KIF21B: variants seen among roughly 807,000 people sequenced by gnomAD.
KIF21B encodes kinesin family member 21B.
Under a neutral mutation model 192.9 loss-of-function variants are expected in KIF21B, and 85 were observed. The ratio of observed to expected loss-of-function variants is 0.44; its 90% CI spans 0.37 to 0.53. The LOEUF is 0.53. Ranked by LOEUF, KIF21B falls within the 20% of genes least tolerant of loss-of-function variation. The pLI is 0.00. For synonymous variants in KIF21B, 832 were observed against 884.6 expected, an observed-to-expected ratio of 0.94 and a Z score of 1.05; for missense variants, 1,716 against 2,194.8, an observed-to-expected ratio of 0.78 and a Z score of 4.36.
chr1:201,007,033 G>C (rs1431180637), intron 3 of KIF21B, among the ~76,000 whole-genome samples: 4 of 84,766 alleles, frequency 4.7e-5, no homozygotes, highest in Non-Finnish European at 7.5e-5. Context: ...CACACACACA[G>C]ACACAGAGAC....
Position 201,000,703 on chromosome 1 carries a change from G to A in KIF21B, c.1466+14C>T. 1 of 1,614,138 alleles carries A rather than the reference G, an allele frequency of 6.2e-7. No homozygotes were observed. The highest frequency in any genetic ancestry group is 2.2e-5 in the East Asian group (1 of 44,886). ...CCCCAGCCCGCGCACACCTGCCGGAGCTCACTCACTCACCGTAGCTCCTCG... is the reference window on the plus strand; with the variant it reads ...CCCCAGCCCGCGCACACCTGCCGGAACTCACTCACTCACCGTAGCTCCTCG... On this transcript the variant is annotated intron_variant, in intron 10 of 34. Transcript: ENST00000461742. The surrounding 1 kb of genome is among the most constrained non-coding windows in gnomAD (Gnocchi z 6.0).
In KIF21B at chr1:201,009,326, C is replaced by T. The variant is rs1658100932; in HGVS notation, c.204G>A (p.Val68=). Reference sequence around the variant, plus strand: ...CGAAGCAGCCCTCGATGAGCTTGCTCACACAGGTGGAATAGATCTGTTCTT... The same window carrying T: ...CGAAGCAGCCCTCGATGAGCTTGCTTACACAGGTGGAATAGATCTGTTCTT... The part of the protein sequence containing the change: ...TWQEQIYSTC[V]SKLIEGCFEG... The change falls in exon 2 of 35, where the codon GTG becomes GTA. Residue 68 remains valine, a synonymous_variant. Coordinates refer to ENST00000461742, the MANE Select transcript of KIF21B (RefSeq NM_001252102.2). 1 of 1,614,158 alleles carries T rather than the reference C, an allele frequency of 6.2e-7. No individual in the cohort carries two copies. Among genetic ancestry groups the T allele is most frequent in the African/African-American group, 1.3e-5 (1 of 74,954 alleles).
At position 200,975,168 on chromosome 1, in the gene KIF21B, C is replaced by CA. The variant is rs141702646; in HGVS notation, c.4615-256dup. 0.017 allele frequency among the ~76,000 whole-genome samples: 2,623 copies of CA among 152,314 alleles called. 81 individuals are homozygous for CA. Among genetic ancestry groups the CA allele is most frequent in the African/African-American group, 0.059 (2,452 of 41,552 alleles). On this transcript the variant is annotated intron_variant, in intron 33 of 34. Coordinates refer to ENST00000461742, the MANE Select transcript of KIF21B (RefSeq NM_001252102.2). The surrounding 1 kb of genome is among the most constrained non-coding windows in gnomAD (Gnocchi z 4.3). ...GATCCTGCCCTGGCAGAGAACCCTT[C>CA]AGCCCTCACACGGGTCAGGCTAAAA...
At position 200,988,563 on chromosome 1, in the gene KIF21B, G is replaced by GA; in HGVS notation, c.3299-20dup. On this transcript the variant is annotated intron_variant, in intron 22 of 34. Transcript: ENST00000461742. ...CCATTCTCTGTGGGAGGGCGGGAGG[G>GA]AGGGAAAGGGGTTGAGAAGCCCTGT... 1 of 829,970 alleles carries GA rather than the reference G, an allele frequency of 1.2e-6. No individual in the cohort carries two copies. Among genetic ancestry groups the GA allele is most frequent in the Non-Finnish European group, 2.0e-6 (1 of 510,488 alleles). The allele number at this position is 829,970 out of a possible 1,614,324, so 51.4% of individuals were successfully genotyped here. A position where few individuals can be genotyped will look rare whatever the true frequency, so the allele number is the denominator to read the frequency against.
rs1411736888 is a variant in KIF21B at position 200,992,326 on chromosome 1, T to C, written c.2341A>G (p.Asn781Asp). ...TTCTTGAGCTGTGCGATCTCCCGGT[T>C]CCTCTTGGTCTCCACTAGCCGCCGC... ...QRRRLVETKRNREIAQLKKEQ... is the reference protein window; with the variant it reads ...QRRRLVETKRDREIAQLKKEQ... Residue 781 changes from asparagine to aspartate, a missense_variant, in exon 16 of 35, where the codon AAC becomes GAC. Asn to Asp is a conservative substitution (Grantham distance 23). Coordinates refer to ENST00000461742, the MANE Select transcript of KIF21B (RefSeq NM_001252102.2). 2 of 1,613,168 alleles carry C rather than the reference T, an allele frequency of 1.2e-6. No individual in the cohort carries two copies. The highest frequency in any genetic ancestry group is 3.3e-5 in the Admixed American group (2 of 60,032).
intron 14 of KIF21B, among the ~76,000 whole-genome samples, chr1:200,997,671 G>C (rs1041832079): frequency 5.3e-5 from 8 of 152,144 alleles, no homozygotes; most frequent in Non-Finnish European, 1.0e-4. Context: ...TGAACCGGGG[G>C]TCAGAGGTTG....
At chr1:200,974,598 G>A in intron 34 of KIF21B, 116 bp downstream of exon 34, 1 of 1,073,948 alleles carries the variant, frequency 9.3e-7, no homozygotes. Context: ...CATGGAATCT[G>A]CTCTGTGAAC....
At chr1:200,989,598 C>A (rs1221462528) in intron 21 of KIF21B, among the ~76,000 whole-genome samples, 8 of 152,232 alleles carry the variant, frequency 5.3e-5, no homozygotes, top group African/African-American at 1.9e-4. Context: ...CATACACACA[C>A]TTCTCCCTCC....
chr1:200,999,037 T>C lies in KIF21B; in HGVS notation c.1885+312A>G, dbSNP rs1657281061. On this transcript the variant is annotated intron_variant, in intron 13 of 34. Coordinates refer to ENST00000461742, the MANE Select transcript of KIF21B (RefSeq NM_001252102.2). This position sits in a 1 kb window ranked among gnomAD's most constrained non-coding sequence, Gnocchi z 4.7. ...TCTGCATGGACCACACTGGGGAAGG[T>C]CACTAAACCCCTGTGAGCTTGTTCC... Among the ~76,000 whole-genome samples the C allele has an allele frequency of 6.6e-6, 1 of 152,092 alleles. No homozygotes were observed. The highest frequency in any genetic ancestry group is 1.5e-5 in the Non-Finnish European group (1 of 68,004).
At chr1:201,020,046 C>T (rs1294563589) in intron 1 of KIF21B, among the ~76,000 whole-genome samples, 6 of 152,116 alleles carry the variant, frequency 3.9e-5, no homozygotes, top group Non-Finnish European at 8.8e-5. Flanking sequence ...CCCCCAAACC[C>T]CTACCTATCC....
chr1:200,998,119 G>A lies in KIF21B; in HGVS notation c.2077+265C>T, dbSNP rs1273550755. Among the ~76,000 whole-genome samples the A allele has an allele frequency of 6.6e-6, 1 of 152,316 alleles. No individual in the cohort carries two copies. The highest frequency in any genetic ancestry group is 2.1e-4 in the South Asian group (1 of 4,826). ...GAGTGCAGGAGGAAAGGCTGGGAGT[G>A]TCATGTTCGCGTGCCTAGGTATATA... On this transcript the variant is annotated intron_variant, in intron 14 of 34. Coordinates refer to ENST00000461742, the MANE Select transcript of KIF21B (RefSeq NM_001252102.2). This position sits in a 1 kb window ranked among gnomAD's most constrained non-coding sequence, Gnocchi z 4.3.
intron 8 of KIF21B, 112 bp downstream of exon 8, chr1:201,003,474 T>C: frequency 1.9e-6 from 2 of 1,033,082 alleles, no homozygotes; most frequent in South Asian, 1.3e-5. Flanking sequence ...ATGATGGTAA[T>C]AGGGAGGTGG....
At chr1:200,991,948 T>C (rs1656727771) in intron 16 of KIF21B, among the ~76,000 whole-genome samples, 1 of 152,222 alleles carries the variant, frequency 6.6e-6, no homozygotes, top group African/African-American at 2.4e-5. Context: ...TCTTCTTCCC[T>C]CCAGTGAGGA....
intron 3 of KIF21B, among the ~76,000 whole-genome samples, chr1:201,007,817 C>G (rs939611446): frequency 1.3e-5 from 2 of 151,814 alleles, no homozygotes; most frequent in African/African-American, 4.8e-5. Context: ...CATAGACACA[C>G]AAGACACAGA....
Position 201,009,284 on chromosome 1 carries a change from C to T in KIF21B, c.246G>A (p.Thr82=), listed in dbSNP as rs7556510. Residue 82 remains threonine, a synonymous_variant, in exon 2 of 35, where the codon ACG becomes ACA. Coordinates refer to ENST00000461742, the MANE Select transcript of KIF21B (RefSeq NM_001252102.2). ...GGCTTACCTGCCCATAGGCCAGCAC[C>T]GTGGCATTATAGCCCTCGAAGCAGC... ...IEGCFEGYNA[T]VLAYGQTGAG... The T allele has an allele frequency of 0.016, 26,557 of 1,614,114 alleles. 2,814 individuals are homozygous for T. In the African/African-American group the frequency reaches 0.26, roughly 16 times the overall value.
At chr1:200,985,114 A>G (rs187654017) in intron 26 of KIF21B, 142 bp from the exon 27 acceptor site, 139 of 520,620 alleles carry the variant, frequency 2.7e-4, no homozygotes, top group South Asian at 9.7e-4. Context: ...TCAACACCCA[A>G]TGAAACTCCT....
intron 34 of KIF21B, chr1:200,974,106 T>C (rs1403795353): frequency 1.2e-6 from 2 of 1,608,180 alleles, no homozygotes; most frequent in Non-Finnish European, 1.7e-6. Context: ...CAGGGCAGGG[T>C]GGTGGCGCGG....
Position 200,988,338 on chromosome 1 carries a change from G to A in KIF21B, c.3366C>T (p.Phe1122=). ...EFSEGSFSQS[F]TMKGSTSHDD... is the part of the protein sequence containing the mutation. ...CATGGCTGGTGGAGCCTTTCATGGT[G>A]AATGACTGGGAGAAGCTGAGGAAGA... Residue 1122 remains phenylalanine (F), a synonymous_variant, in exon 24 of 35, where the codon TTC becomes TTT. Transcript: ENST00000461742. The A allele has an allele frequency of 6.2e-7, 1 of 1,614,168 alleles. No individual in the cohort carries two copies. The highest frequency in any genetic ancestry group is 1.7e-4 in the Middle Eastern group (1 of 6,060).
Position 200,998,343 on chromosome 1 carries a change from G to A in KIF21B, c.2077+41C>T, listed in dbSNP as rs764174008. Reference sequence around the variant, plus strand: ...ACAGAGGAGGGGCTCAGGGAAAAGGGAGGGTCCGGATGGGGTGGAGGGGCA... The same window carrying A: ...ACAGAGGAGGGGCTCAGGGAAAAGGAAGGGTCCGGATGGGGTGGAGGGGCA... On this transcript the variant is annotated intron_variant, in intron 14 of 34. Transcript: ENST00000461742. The surrounding 1 kb of genome is among the most constrained non-coding windows in gnomAD (Gnocchi z 4.3). 6.4e-7 allele frequency: 1 copy of A among 1,566,786 alleles called. No individual in the cohort carries two copies. The highest frequency in any genetic ancestry group is 2.3e-5 in the East Asian group (1 of 44,270).
Sources: allele counts gnomAD v4.1 joint callset (sites outside exome capture counted in the v4.1 genomes callset), GRCh38; gene constraint gnomAD v4.1.1; non-coding constraint Gnocchi (gnomAD v3.1); transcripts MANE v1.5; gene names NCBI Gene and HGNC (gene_info 2026-07-23, HGNC 2026-07-21).